The following COMP variants were observed in gnomAD, a reference collection of about 807,000 sequenced individuals.
COMP encodes cartilage oligomeric matrix protein.
A neutral mutation model predicts 95.8 loss-of-function variants in COMP; 79 were observed. The observed-to-expected ratio is 0.82, with a 90% CI of 0.69 to 0.99. The LOEUF (loss-of-function observed/expected upper bound fraction) is 0.99, where lower values mean the gene tolerates loss of function less well. COMP is among the 50% of genes least tolerant of loss of function. The probability of loss-of-function intolerance (pLI) is 0.00; values close to 1 mark genes in which losing one functional copy is unlikely to be tolerated. For missense variants in COMP, 906 were observed against 1,076.1 expected (o/e 0.84, Z 2.21); for synonymous variants, 438 against 433.9 (o/e 1.01, Z -0.12).
At chr19:18,786,414 G>A (rs2055167695) in intron 11 of COMP, 118 bp downstream of exon 11, 5 of 1,533,882 alleles carry the variant, frequency 3.3e-6, no homozygotes, top group East Asian at 2.3e-5. Flanking sequence ...CAGGCTGCTC[G>A]GACCGAGAGG....
rs2055191231 is a variant in COMP, at chr19:18,789,016, C to T, written c.529-103G>A. The T allele has an allele frequency of 6.5e-7, 1 of 1,548,942 alleles. No homozygotes were observed. The highest frequency in any genetic ancestry group is 8.8e-7 in the Non-Finnish European group (1 of 1,137,920). On this transcript the variant is annotated intron_variant, in intron 5 of 18. Coordinates refer to ENST00000222271, the MANE Select transcript of COMP (RefSeq NM_000095.3). This position sits in a 1 kb window ranked among gnomAD's most constrained non-coding sequence, Gnocchi z 6.1. ...ATCCTGCCTCTCCCCTCCATCCTGC[C>T]CCAAACCGATCAGCCCTGGCGCAGC...
At chr19:18,790,258 C>G in intron 3 of COMP, 144 bp from the exon 4 acceptor site, 1 of 668,622 alleles carries the variant, frequency 1.5e-6, no homozygotes, top group Non-Finnish European at 2.4e-6. Context: ...CTGCGCTGTC[C>G]GCGATCCCGC....
intron 3 of COMP, among the ~76,000 whole-genome samples, 158 bp from the exon 4 acceptor site, chr19:18,790,272 A>T (rs987558539): frequency 8.3e-6 from 1 of 119,976 alleles, no homozygotes; most frequent in African/African-American, 3.2e-5. Flanking sequence ...ATCCCGCCCC[A>T]GAGGCTGCGC....
At chr19:18,785,872 C>T (rs1199531762) in intron 13 of COMP, 21 bp from the exon 14 acceptor site, 6 of 1,609,144 alleles carry the variant, frequency 3.7e-6, no homozygotes, top group African/African-American at 1.3e-5. Context: ...GGAGACCCCT[C>T]GGTGGGCTAA....
chr19:18,787,894 C>G (rs1568555833), intron 9 of COMP, among the ~76,000 whole-genome samples: 1 of 137,082 alleles, frequency 7.3e-6, no homozygotes, highest in Non-Finnish European at 1.6e-5. Flanking sequence ...TTCTTTCTTT[C>G]TTTCTTTCTT....
At position 18,789,403 on chromosome 19, in the gene COMP, G is replaced by T; in HGVS notation, c.391-106C>A. On this transcript the variant is annotated intron_variant, in intron 4 of 18. Coordinates refer to ENST00000222271, the MANE Select transcript of COMP (RefSeq NM_000095.3). The surrounding 1 kb of genome is among the most constrained non-coding windows in gnomAD (Gnocchi z 6.1). ...GAAAGTTCAAGGGCCATATGCCAGT[G>T]CTTGGAGCTCTGAGATGGAAGCAAT... The T allele has an allele frequency of 8.2e-7, 1 of 1,219,486 alleles. No homozygotes were observed. The highest frequency in any genetic ancestry group is 1.8e-5 in the South Asian group (1 of 57,128). The allele number at this position is 1,219,486 out of a possible 1,614,324, so 75.5% of individuals were successfully genotyped here.
At chr19:18,785,414 A>G (rs1268554367) in intron 15 of COMP, 84 bp downstream of exon 15, 1 of 1,109,394 alleles carries the variant, frequency 9.0e-7, no homozygotes, top group African/African-American at 2.5e-5. Flanking sequence ...GGCCCCGCCC[A>G]TTCTCAGCCC....
rs1453107011 is a variant in COMP, at chr19:18,790,152, G to C, written c.218-38C>G. ...GGGGGGAGAAGCGGCGGGGCTGATC[G>C]GTGGCTCGCCCGGGGGCAGAGCCTA... On this transcript the variant is annotated intron_variant, in intron 3 of 18. Transcript: ENST00000222271. 3 of 1,467,326 alleles carry C rather than the reference G, an allele frequency of 2.0e-6. No individual in the cohort carries two copies. The African/African-American group carries it at 4.2e-5, about 21-fold the overall frequency. The allele number at this position is 1,467,326 out of a possible 1,614,324, so 90.9% of individuals were successfully genotyped here. A position where few individuals can be genotyped will look rare whatever the true frequency, so the allele number is the denominator to read the frequency against.
rs1424771508 is a variant in COMP, at chr19:18,785,072, C to G, written c.1738G>C (p.Val580Leu). 2 of 1,613,968 alleles carry G rather than the reference C, an allele frequency of 1.2e-6. No homozygotes were observed. Among genetic ancestry groups the G allele is most frequent in the African/African-American group, 2.7e-5 (2 of 74,888 alleles). Reference sequence around the variant, plus strand: ...ACATGGAACGTGCCCTCGAAGTCCACGCCATTGAAGGCAGTGTAACCTAGG... The same window carrying G: ...ACATGGAACGTGCCCTCGAAGTCCAGGCCATTGAAGGCAGTGTAACCTAGG... ...LAVGYTAFNG[V>L]DFEGTFHVNT... The change falls in exon 16 of 19, where the codon GTG (valine) becomes CTG (leucine). Residue 580 changes from valine to leucine, a missense_variant. Coordinates refer to ENST00000222271, the MANE Select transcript of COMP (RefSeq NM_000095.3).
rs756004591 is a variant in COMP, at chr19:18,791,234, G to A, written c.36C>T (p.Thr12=). ...VPDTACVLLL[T]LAALGASGQG... ...GTCCGGACGCGCCGAGGGCAGCCAG[G>A]GTGAGCAGAAGAACGCAGGCGGTGT... Residue 12 remains threonine (T), a synonymous_variant, in exon 1 of 19, where the codon ACC becomes ACT. Coordinates refer to ENST00000222271, the MANE Select transcript of COMP (RefSeq NM_000095.3). 4.4e-5 allele frequency: 70 copies of A among 1,598,656 alleles called. No individual in the cohort carries two copies. Among genetic ancestry groups the A allele is most frequent in the Non-Finnish European group, 5.6e-5 (66 of 1,174,220 alleles).
In COMP at chr19:18,784,993, C is replaced by A. The variant is rs2055154388; in HGVS notation, c.1817G>T (p.Ser606Ile). ...YAGFIFGYQD[S>I]SSFYVVMWKQ... The stretch of plus-strand genomic sequence containing the variant: ...CCACATGACCACGTAGAAGCTGGAG[C>A]TGTCCTGGTAGCCAAAGATGAAGCC... The change falls in exon 16 of 19, where the codon AGC (serine) becomes ATC (isoleucine). Residue 606 changes from serine to isoleucine, a missense_variant. Coordinates refer to ENST00000222271, the MANE Select transcript of COMP (RefSeq NM_000095.3). The surrounding 1 kb of genome is among the most constrained non-coding windows in gnomAD (Gnocchi z 4.9). 1.9e-6 allele frequency: 3 copies of A among 1,613,998 alleles called. No individual in the cohort carries two copies. The highest frequency in any genetic ancestry group is 1.3e-5 in the African/African-American group (1 of 74,888).
At position 18,784,097 on chromosome 19, in the gene COMP, G is replaced by C; in HGVS notation, c.2087+94C>G. Reference sequence around the variant, plus strand: ...TATCTTTCCTATCGTACAGATGAGGGGACCAGGGTCACACAGCCCCTGCCT... The same window carrying C: ...TATCTTTCCTATCGTACAGATGAGGCGACCAGGGTCACACAGCCCCTGCCT... On this transcript the variant is annotated intron_variant, in intron 17 of 18. Transcript: ENST00000222271. The surrounding 1 kb of genome is among the most constrained non-coding windows in gnomAD (Gnocchi z 4.9). 7.2e-7 allele frequency: 1 copy of C among 1,383,270 alleles called. No individual in the cohort carries two copies. The highest frequency in any genetic ancestry group is 1.2e-5 in the South Asian group (1 of 86,038). The allele number at this position is 1,383,270 out of a possible 1,614,324, so 85.7% of individuals were successfully genotyped here. A position where few individuals can be genotyped will look rare whatever the true frequency, so the allele number is the denominator to read the frequency against.
rs762455276 is a variant in COMP at position 18,788,415 on chromosome 19, G to A, written c.862C>T (p.Arg288Cys). The A allele has an allele frequency of 9.0e-6, 10 of 1,114,292 alleles. No individual in the cohort carries two copies. The highest frequency in any genetic ancestry group is 4.6e-5 in the East Asian group (1 of 21,766). The allele number at this position is 1,114,292 out of a possible 1,614,324, so 69.0% of individuals were successfully genotyped here. A position where few individuals can be genotyped will look rare whatever the true frequency, so the allele number is the denominator to read the frequency against. The part of the protein sequence containing the change: ...EKLRCPERQC[R>C]KDNCVTVPNS... ...CCCGCTCCGCCCCCACCCACCTTAC[G>A]GCACTGGCGCTCCGGGCAGCGCAGC... Residue 288 changes from arginine (R) to cysteine (C), a missense_variant, in exon 8 of 19, where the codon CGT (arginine) becomes TGT (cysteine). Arg to Cys is a radical substitution (Grantham distance 180). Coordinates refer to ENST00000222271, the MANE Select transcript of COMP (RefSeq NM_000095.3). The surrounding 1 kb of genome is among the most constrained non-coding windows in gnomAD (Gnocchi z 4.7).
At position 18,791,181 on chromosome 19, in the gene COMP, C is replaced by G. The variant is rs1044098612; in HGVS notation, c.79+10G>C. The G allele has an allele frequency of 1.3e-6, 2 of 1,575,998 alleles. No homozygotes were observed. Among genetic ancestry groups the G allele is most frequent in the Non-Finnish European group, 8.6e-7 (1 of 1,162,272 alleles). On this transcript the variant is annotated intron_variant, in intron 1 of 18. Transcript: ENST00000222271. The stretch of plus-strand genomic sequence containing the variant: ...GCCGTGGGCACGGCGCGGGTGCTAA[C>G]GCGGCTTACCCAACGGGCTCTGGCC...
Position 18,790,846 on chromosome 19 carries a change from G to A in COMP, c.165+4C>T. 1 of 1,559,048 alleles carries A rather than the reference G, an allele frequency of 6.4e-7. No homozygotes were observed. Among genetic ancestry groups the A allele is most frequent in the Non-Finnish European group, 8.7e-7 (1 of 1,154,874 alleles). ...ACTCCCTGCCCCGCACCCGGGCCCC[G>A]CACCTGCTGCCGCAGCAGCTCCCGC... On this transcript the variant is annotated splice_donor_region_variant and intron_variant, in intron 2 of 18. Coordinates refer to ENST00000222271, the MANE Select transcript of COMP (RefSeq NM_000095.3).
chr19:18,782,782 A>G lies in COMP; in HGVS notation c.*133T>C. The G allele has an allele frequency of 9.6e-7, 1 of 1,042,348 alleles. No homozygotes were observed. The highest frequency in any genetic ancestry group is 1.4e-6 in the Non-Finnish European group (1 of 696,524). 64.6% of individuals were successfully genotyped at this position (1,042,348 alleles called of 1,614,324 possible). A position where few individuals can be genotyped will look rare whatever the true frequency, so the allele number is the denominator to read the frequency against. On this transcript the variant is annotated 3_prime_UTR_variant, in exon 19 of 19. Coordinates refer to ENST00000222271, the MANE Select transcript of COMP (RefSeq NM_000095.3). ...AAACCACAGCCGCCACTCCCTGCAC[A>G]CACACTTTATTTTGTCCTCTCTGAG...
chr19:18,784,345 C>G lies in COMP; in HGVS notation c.1933G>C (p.Gly645Arg). 2 of 1,614,002 alleles carry G rather than the reference C, an allele frequency of 1.2e-6. No individual in the cohort carries two copies. Among genetic ancestry groups the G allele is most frequent in the Non-Finnish European group, 1.7e-6 (2 of 1,180,040 alleles). The change falls in exon 17 of 19, where the codon GGC becomes CGC. Residue 645 changes from glycine (G) to arginine (R), a missense_variant. Transcript: ENST00000222271. This position sits in a 1 kb window ranked among gnomAD's most constrained non-coding sequence, Gnocchi z 4.9. ...IQLKAVKSST[G>R]PGEQLRNALW... Reference sequence around the variant, plus strand: ...GCGTTCCGCAGCTGTTCCCCGGGGCCTGTGGAAGACTTCACAGCCTGCCAA... The same window carrying G: ...GCGTTCCGCAGCTGTTCCCCGGGGCGTGTGGAAGACTTCACAGCCTGCCAA...
chr19:18,789,051 C>T lies in COMP; in HGVS notation c.528+109G>A. On this transcript the variant is annotated intron_variant, in intron 5 of 18. Transcript: ENST00000222271. This position sits in a 1 kb window ranked among gnomAD's most constrained non-coding sequence, Gnocchi z 6.1. ...TCAGCCCTGGCGCAGCGGACCCCTC[C>T]TCTCCCCACCCCTCCCGCTGGAAGG... The T allele has an allele frequency of 2.6e-6, 4 of 1,543,862 alleles. No individual in the cohort carries two copies. The highest frequency in any genetic ancestry group is 3.5e-6 in the Non-Finnish European group (4 of 1,138,010).
chr19:18,785,206 C>A lies in COMP; in HGVS notation c.1718-114G>T, dbSNP rs1278770442. ...TCCCGATCTGCCTGCAGACCTGCACCATTCCCACTCGCAGAGCCCGGACTC... is the reference window on the plus strand; with the variant it reads ...TCCCGATCTGCCTGCAGACCTGCACAATTCCCACTCGCAGAGCCCGGACTC... On this transcript the variant is annotated intron_variant, in intron 15 of 18. Coordinates refer to ENST00000222271, the MANE Select transcript of COMP (RefSeq NM_000095.3). 4.7e-6 allele frequency: 5 copies of A among 1,070,660 alleles called. No individual in the cohort carries two copies. In the African/African-American group the frequency reaches 6.2e-5, roughly 13 times the overall value. 66.3% of individuals were successfully genotyped at this position (1,070,660 alleles called of 1,614,324 possible).
Sources: gnomAD v4.1 joint callset for allele counts (sites outside exome capture counted in the v4.1 genomes callset) on GRCh38, gnomAD v4.1.1 for gene constraint, Gnocchi (gnomAD v3.1) non-coding constraint, MANE v1.5 for transcripts, NCBI Gene and HGNC (gene_info 2026-07-23, HGNC 2026-07-21) for gene names.